Variants in HAGH observed in about 807,000 individuals in gnomAD.
HAGH encodes the protein hydroxyacylglutathione hydrolase, also known as hydroxyacylglutathione hydrolase, mitochondrial.
In HAGH, 29 loss-of-function variants were observed where a neutral mutation model predicts 35.1. That is an observed-to-expected ratio of 0.83 (90% CI 0.62 to 1.13). HAGH has a LOEUF of 1.13. Among genes scored for constraint, HAGH ranks in the 50% most tolerant of loss-of-function variants. HAGH has a pLI of 0.00. For synonymous variants in HAGH, 225 were observed against 176.1 expected, an observed-to-expected ratio of 1.28 and a Z score of -2.20; for missense variants, 478 against 419.6, an observed-to-expected ratio of 1.14 and a Z score of -1.22.
At position 1,816,997 on chromosome 16, in the gene HAGH, G is replaced by C; in HGVS notation, c.646-3C>G. Reference sequence around the variant, plus strand: ...TACTCGTGGCCACAGTAGACTCTCTGAGGAGAGAGGTGACAGGTGAGCTCG... The same window carrying C: ...TACTCGTGGCCACAGTAGACTCTCTCAGGAGAGAGGTGACAGGTGAGCTCG... On this transcript the variant is annotated splice_region_variant and splice_polypyrimidine_tract_variant and intron_variant, in intron 6 of 8. Coordinates refer to ENST00000397356, the MANE Select transcript of HAGH (RefSeq NM_005326.6). 1.3e-6 allele frequency: 2 copies of C among 1,596,728 alleles called. No individual in the cohort carries two copies. Among genetic ancestry groups the C allele is most frequent in the South Asian group, 1.1e-5 (1 of 90,726 alleles).
At position 1,808,030 on chromosome 16, in the gene HAGH, T is replaced by A. The variant is rs574729761; in HGVS notation, c.*1253A>T. 6.6e-6 allele frequency: 1 copy of A among 152,350 alleles called. No individual in the cohort carries two copies. The highest frequency in any genetic ancestry group is 1.5e-5 in the Non-Finnish European group (1 of 68,074). 9.4% of individuals were successfully genotyped at this position (152,350 alleles called of 1,614,324 possible). On this transcript the variant is annotated 3_prime_UTR_variant, in exon 9 of 9. Transcript: ENST00000397356. ...GCTCACTGACAGAGCAGTCAGTCAG[T>A]CAGTGAATAGGTCAAATGTTTCAGA...
chr16:1,820,830 G>A (rs950313076), intron 3 of HAGH, among the ~76,000 whole-genome samples: 1 of 152,146 alleles, frequency 6.6e-6, no homozygotes, highest in Non-Finnish European at 1.5e-5. Flanking sequence ...GGAGGGCGCG[G>A]CACCACAGGC....
chr16:1,817,838 G>A (rs377110460), intron 5 of HAGH, among the ~76,000 whole-genome samples: 4 of 152,158 alleles, frequency 2.6e-5, no homozygotes, highest in African/African-American at 7.2e-5. Context: ...TTGCTGCTTC[G>A]CGGCTGTCCT....
intron 8 of HAGH, among the ~76,000 whole-genome samples, 157 bp downstream of exon 8, chr16:1,809,597 C>G (rs1052810948): frequency 6.6e-6 from 1 of 152,222 alleles, no homozygotes; most frequent in African/African-American, 2.4e-5. Flanking sequence ...AAGGCCGGAC[C>G]CCCCTCAAGA....
chr16:1,809,674 T>C, intron 8 of HAGH, 80 bp downstream of exon 8: 1 of 1,046,756 alleles, frequency 9.6e-7, no homozygotes, highest in African/African-American at 1.6e-5. Flanking sequence ...ATCTGGGGTC[T>C]CGGACGTACC....
chr16:1,825,043 G>A (rs3760037), intron 1 of HAGH, among the ~76,000 whole-genome samples: 10,034 of 152,298 alleles, frequency 0.066, 441 homozygotes, highest in East Asian at 0.23. Context: ...TACTGCCCAC[G>A]TGCGGTGGCT....
chr16:1,823,321 G>T (rs1309778756), intron 1 of HAGH, among the ~76,000 whole-genome samples: 2 of 150,938 alleles, frequency 1.3e-5, no homozygotes, highest in South Asian at 4.2e-4. Context: ...AGGCTGGAGT[G>T]CAGTGGCGCG....
At position 1,817,149 on chromosome 16, in the gene HAGH, G is replaced by A. The variant is rs767919133; in HGVS notation, c.645+19C>T. On this transcript the variant is annotated intron_variant, in intron 6 of 8. Transcript: ENST00000397356. Reference sequence around the variant, plus strand: ...GTTAAGGCCCCCCACACCCCGGCCCGCAGGGAGGCGCTGCCTACTGTGTCC... The same window carrying A: ...GTTAAGGCCCCCCACACCCCGGCCCACAGGGAGGCGCTGCCTACTGTGTCC... 138 of 1,534,502 alleles carry A rather than the reference G, an allele frequency of 9.0e-5. No homozygotes were observed. The highest frequency in any genetic ancestry group is 1.1e-4 in the Non-Finnish European group (122 of 1,107,500).
intron 1 of HAGH, among the ~76,000 whole-genome samples, chr16:1,823,558 C>T (rs927992133): frequency 2.0e-5 from 3 of 151,546 alleles, no homozygotes; most frequent in Non-Finnish European, 2.9e-5. Flanking sequence ...TGAGCCACCG[C>T]GACCAGCCAA....
chr16:1,823,873 T>C (rs929091933), intron 1 of HAGH, among the ~76,000 whole-genome samples: 1 of 152,096 alleles, frequency 6.6e-6, no homozygotes, highest in Non-Finnish European at 1.5e-5. Context: ...ATTTTCTTTT[T>C]TGAGAACTCT....
At chr16:1,827,112 A>C (rs1045917957), upstream of HAGH, 3 of 1,377,852 alleles carry the variant, frequency 2.2e-6, no homozygotes. Flanking sequence ...TACCCGGCAG[A>C]TCGCGAGGTG....
chr16:1,807,942 AGTCT>A lies in HAGH; in HGVS notation c.*1337_*1340del, dbSNP rs1897477477. 6.6e-6 allele frequency: 1 copy of A among 152,192 alleles called. No homozygotes were observed. Among genetic ancestry groups the A allele is most frequent in the African/African-American group, 2.4e-5 (1 of 41,428 alleles). The allele number at this position is 152,192 out of a possible 1,614,324, so 9.4% of individuals were successfully genotyped here. ...GCCGCTCTGCCCCTCCACTCAGAAG[AGTCT>A]GTCTATAGGACCAGGTGGCAGAGGG... On this transcript the variant is annotated 3_prime_UTR_variant, in exon 9 of 9. Coordinates refer to ENST00000397356, the MANE Select transcript of HAGH (RefSeq NM_005326.6).
chr16:1,826,513 C>G (rs1178874575), intron 1 of HAGH, 199 bp downstream of exon 1: 2 of 978,010 alleles, frequency 2.0e-6, no homozygotes, highest in Non-Finnish European at 2.4e-6. Flanking sequence ...TTACCTAGCG[C>G]TTTCCGCACC....
At position 1,819,734 on chromosome 16, in the gene HAGH, C is replaced by G; in HGVS notation, c.432+163G>C. 2.6e-5 allele frequency: 17 copies of G among 648,030 alleles called. 1 individual carries two copies. In the South Asian group the frequency reaches 2.9e-4, roughly 11 times the overall value. The allele number at this position is 648,030 out of a possible 1,614,324, so 40.1% of individuals were successfully genotyped here. A position where few individuals can be genotyped will look rare whatever the true frequency, so the allele number is the denominator to read the frequency against. Reference sequence around the variant, plus strand: ...ACAGCCGCGTTTTGCACACTCCTCTCCTTGTGCCTAGACAGAGAAGACCAT... The same window carrying G: ...ACAGCCGCGTTTTGCACACTCCTCTGCTTGTGCCTAGACAGAGAAGACCAT... On this transcript the variant is annotated intron_variant, in intron 4 of 8. Coordinates refer to ENST00000397356, the MANE Select transcript of HAGH (RefSeq NM_005326.6).
chr16:1,817,773 G>A (rs1407401361), intron 5 of HAGH, among the ~76,000 whole-genome samples: 1 of 152,162 alleles, frequency 6.6e-6, no homozygotes, highest in Non-Finnish European at 1.5e-5. Flanking sequence ...CTCGGCCTCA[G>A]GACGGCATCC....
chr16:1,810,061 G>A (rs1897570474), intron 7 of HAGH: 1 of 554,022 alleles, frequency 1.8e-6, no homozygotes, highest in Non-Finnish European at 3.3e-6. Context: ...GCTACTCAGG[G>A]GGCTGAGGTG....
Position 1,820,108 on chromosome 16 carries a change from G to A in HAGH, c.315-94C>T, listed in dbSNP as rs145800593. 680 of 767,802 alleles carry A rather than the reference G, an allele frequency of 8.9e-4. 2 individuals carry two copies. The Middle Eastern group carries it at 0.012, about 13-fold the overall frequency. The allele number at this position is 767,802 out of a possible 1,614,324, so 47.6% of individuals were successfully genotyped here. On this transcript the variant is annotated intron_variant, in intron 3 of 8. Transcript: ENST00000397356. The stretch of plus-strand genomic sequence containing the variant: ...TGCCTGCTGAGCTGAGGGGCTGCCT[G>A]CTGCTCTTAAACCCTAGTCAAACGC...
rs953994909 is a variant in HAGH at position 1,810,159 on chromosome 16, CAA to C, written c.748-328_748-327del. The stretch of plus-strand genomic sequence containing the variant: ...CCTGGGTGACAGCGACATCACGTCT[CAA>C]AAAATGCTTCAGAACACCTCCTGGT... On this transcript the variant is annotated intron_variant, in intron 7 of 8. Transcript: ENST00000397356. 9.1e-5 allele frequency: 20 copies of C among 219,868 alleles called. No individual in the cohort carries two copies. In the African/African-American group the frequency reaches 9.5e-4, roughly 10 times the overall value. 13.6% of individuals were successfully genotyped at this position (219,868 alleles called of 1,614,324 possible).
intron 1 of HAGH, among the ~76,000 whole-genome samples, chr16:1,825,490 G>GT (rs768965753): frequency 1.3e-5 from 2 of 152,150 alleles, no homozygotes; most frequent in African/African-American, 2.4e-5. Context: ...TTGCTGTTTT[G>GT]TAACTGTAAT....
Sources: gnomAD v4.1 joint callset for allele counts (sites outside exome capture counted in the v4.1 genomes callset) on GRCh38, gnomAD v4.1.1 for gene constraint, MANE v1.5 for transcripts, NCBI Gene and HGNC (gene_info 2026-07-23, HGNC 2026-07-21) for gene names.